Variants in ADAMTS12 observed in about 807,000 individuals in gnomAD.
ADAMTS12 encodes A disintegrin and metalloproteinase with thrombospondin motifs 12.
Under a neutral mutation model 167.8 loss-of-function variants are expected in ADAMTS12, and 118 were observed. The observed-to-expected ratio is 0.70, with a 90% CI of 0.61 to 0.82. ADAMTS12 has a LOEUF of 0.82. Among genes scored for constraint, ADAMTS12 ranks in the 40% least tolerant of loss-of-function variants. ADAMTS12 has a pLI of 0.00. For missense variants in ADAMTS12, 1,916 were observed against 1,998.8 expected, an observed-to-expected ratio of 0.96 and a Z score of 0.79; for synonymous variants, 704 against 716.9, an observed-to-expected ratio of 0.98 and a Z score of 0.29.
intron 20 of ADAMTS12, 62 bp from the exon 21 acceptor site, chr5:33,549,445 C>T: frequency 3.8e-6 from 6 of 1,565,944 alleles, no homozygotes; most frequent in Non-Finnish European, 5.2e-6. Flanking sequence ...TCCCTTCCTT[C>T]CCCTCAGCCG....
At chr5:33,575,991 A>G (rs1746685022) in intron 19 of ADAMTS12, 63 bp downstream of exon 19, 7 of 1,530,940 alleles carry the variant, frequency 4.6e-6, no homozygotes, top group African/African-American at 1.4e-5. Context: ...AAATTTTCAC[A>G]TGAATTTAAC....
At chr5:33,762,627 A>G (rs1357081957) in intron 2 of ADAMTS12, among the ~76,000 whole-genome samples, 1 of 152,128 alleles carries the variant, frequency 6.6e-6, no homozygotes, top group Non-Finnish European at 1.5e-5. Context: ...AGAAGGGAAA[A>G]ATCCATGGAG....
intron 15 of ADAMTS12, among the ~76,000 whole-genome samples, 197 bp downstream of exon 15, chr5:33,615,631 T>C (rs1214433588): frequency 1.3e-5 from 2 of 152,096 alleles, no homozygotes; most frequent in African/African-American, 2.4e-5. Context: ...CACCTTGCAT[T>C]TTGTTATGGG....
At chr5:33,832,733 A>G (rs1436442799) in intron 2 of ADAMTS12, among the ~76,000 whole-genome samples, 1 of 152,184 alleles carries the variant, frequency 6.6e-6, no homozygotes, top group Non-Finnish European at 1.5e-5. Flanking sequence ...GGATGGTTAC[A>G]AAGAGCTGGA....
intron 3 of ADAMTS12, among the ~76,000 whole-genome samples, chr5:33,698,319 A>T (rs1742859798): frequency 6.6e-6 from 1 of 152,216 alleles, no homozygotes; most frequent in Admixed American, 6.5e-5. Context: ...CCTGCAAAAG[A>T]TCTGCAGATA....
At chr5:33,579,241 T>C (rs1333572553) in intron 18 of ADAMTS12, among the ~76,000 whole-genome samples, 2 of 152,212 alleles carry the variant, frequency 1.3e-5, no homozygotes, top group African/African-American at 4.8e-5. Flanking sequence ...GATTTTCAAA[T>C]CCCCACTTTG....
chr5:33,845,325 A>G (rs1428018696), intron 2 of ADAMTS12, among the ~76,000 whole-genome samples: 1 of 152,200 alleles, frequency 6.6e-6, no homozygotes, highest in Admixed American at 6.5e-5. Context: ...GTACAAAATG[A>G]CCCTAGAACA....
intron 3 of ADAMTS12, among the ~76,000 whole-genome samples, chr5:33,688,801 C>T (rs1037458460): frequency 3.3e-5 from 5 of 152,210 alleles, no homozygotes; most frequent in African/African-American, 1.2e-4. Context: ...GCTCTGCCTC[C>T]AGCCCAACCC....
At chr5:33,848,684 G>T (rs1579988902) in intron 2 of ADAMTS12, among the ~76,000 whole-genome samples, 2 of 152,142 alleles carry the variant, frequency 1.3e-5, no homozygotes, top group South Asian at 4.1e-4. Flanking sequence ...ATGACAACTT[G>T]CCTAGGGAAA....
At position 33,525,059 on chromosome 5, in the gene ADAMTS12, A is replaced by G. The variant is rs1412474308; in HGVS notation, c.*2129T>C. On this transcript the variant is annotated 3_prime_UTR_variant, in exon 24 of 24. Transcript: ENST00000504830. ...TCTCTGATGACACGTATTTGACCCT[A>G]TGCTAGTACAGTACCAGGTTAAATC... 1 of 152,188 alleles carries G rather than the reference A, an allele frequency of 6.6e-6. No individual in the cohort carries two copies. Among genetic ancestry groups the G allele is most frequent in the African/African-American group, 2.4e-5 (1 of 41,454 alleles). The allele number at this position is 152,188 out of a possible 1,614,324, so 9.4% of individuals were successfully genotyped here.
chr5:33,618,028 A>G (rs775323613), intron 14 of ADAMTS12, among the ~76,000 whole-genome samples: 3 of 152,240 alleles, frequency 2.0e-5, no homozygotes, highest in Non-Finnish European at 2.9e-5. Context: ...ATATTTGTGT[A>G]TAATTTTTGA....
rs557034224 is a variant in ADAMTS12, at chr5:33,770,642, CTCTGCCCTCAAAT to C, written c.490-19107_490-19095del. ...GATGATTCAAATGTTATTTCACGGT[CTCTGCCCTCAAAT>C]TCTGCCCTCATCCCCCACCCCCAGG... On this transcript the variant is annotated intron_variant, in intron 2 of 23. Transcript: ENST00000504830. Among the ~76,000 whole-genome samples the C allele has an allele frequency of 2.1e-4, 32 of 152,124 alleles. No homozygotes were observed. In the East Asian group the frequency reaches 5.0e-3, roughly 24 times the overall value.
chr5:33,658,229 G>A lies in ADAMTS12; in HGVS notation c.1145C>T (p.Ser382Leu), dbSNP rs564340150. The A allele has an allele frequency of 9.9e-5, 160 of 1,613,598 alleles. 2 individuals are homozygous for A. The South Asian group carries it at 1.2e-3, about 12-fold the overall frequency. ...AATTGTGAAAGCCAGAGGGAGTCCC[G>A]AATCTTCATTGATGTTACAACTGCG... ...PHRSCNINEDSGLPLAFTIAH... is the reference protein window; with the variant it reads ...PHRSCNINEDLGLPLAFTIAH... Residue 382 changes from serine to leucine, a missense_variant, in exon 7 of 24, where the codon TCG (serine) becomes TTG (leucine). Ser to Leu is a moderately radical substitution (Grantham distance 145, BLOSUM62 -2). Transcript: ENST00000504830.
chr5:33,660,058 C>A (rs1175656381), intron 6 of ADAMTS12, among the ~76,000 whole-genome samples: 2 of 152,122 alleles, frequency 1.3e-5, no homozygotes, highest in Non-Finnish European at 2.9e-5. Flanking sequence ...AAGATAGGCC[C>A]AACGACAAAG....
chr5:33,555,132 T>C (rs933659287), intron 20 of ADAMTS12, among the ~76,000 whole-genome samples: 4 of 152,092 alleles, frequency 2.6e-5, no homozygotes, highest in African/African-American at 4.8e-5. Flanking sequence ...AGTGAGGAAG[T>C]GTGTGGAGCT....
At chr5:33,760,921 G>GTGTGTGTGCA (rs1491317896) in intron 2 of ADAMTS12, among the ~76,000 whole-genome samples, 3 of 128,280 alleles carry the variant, frequency 2.3e-5, no homozygotes, top group African/African-American at 1.1e-4. Flanking sequence ...GTGTGTGTGT[G>GTGTGTGTGCA]CGTATGCGCT....
At chr5:33,592,640 G>A (rs557322509) in intron 17 of ADAMTS12, among the ~76,000 whole-genome samples, 1 of 152,206 alleles carries the variant, frequency 6.6e-6, no homozygotes, top group African/African-American at 2.4e-5. Context: ...CATTGGCAAT[G>A]TAATATATAT....
At chr5:33,878,187 A>G (rs1307825615) in intron 2 of ADAMTS12, among the ~76,000 whole-genome samples, 1 of 152,240 alleles carries the variant, frequency 6.6e-6, no homozygotes, top group Non-Finnish European at 1.5e-5. Context: ...CTAGGTGGAC[A>G]CTGGCAAATT....
Position 33,748,173 on chromosome 5 carries a change from T to G in ADAMTS12, c.634+3231A>C, listed in dbSNP as rs189654135. On this transcript the variant is annotated intron_variant, in intron 3 of 23. Transcript: ENST00000504830. ...CTTCCCCAGATTTCTGGAACAAAAG[T>G]TCCCACAGAGACTTCCACCTAACAC... Among the ~76,000 whole-genome samples, 78 of 152,318 alleles carry G rather than the reference T, an allele frequency of 5.1e-4. 2 individuals carry two copies. Among genetic ancestry groups the G allele is most frequent in the Non-Finnish European group, 5.9e-5 (4 of 68,020 alleles).
Sources: gnomAD v4.1 joint callset for allele counts (sites outside exome capture counted in the v4.1 genomes callset) on GRCh38, gnomAD v4.1.1 for gene constraint, MANE v1.5 for transcripts, NCBI Gene and HGNC (gene_info 2026-07-23, HGNC 2026-07-21) for gene names.